Variants in LOC128125822 observed in about 807,000 individuals in gnomAD.
chr6:63,573,731 C>T, the LOC128125822 span: 3 of 152,256 alleles, frequency 2.0e-5, no homozygotes, highest in Non-Finnish European at 2.9e-5. Context: ...CTAGTCTTGT[C>T]CTTTCTCTGG....
chr6:63,582,839 C>G, the LOC128125822 span: 1 of 152,204 alleles, frequency 6.6e-6, no homozygotes, highest in Admixed American at 6.6e-5. Context: ...GGGCATTGCT[C>G]TCCTATTCCC....
the LOC128125822 span, among the ~76,000 whole-genome samples, chr6:63,576,219 T>C: frequency 6.6e-6 from 1 of 151,918 alleles, no homozygotes; most frequent in Non-Finnish European, 1.5e-5. Flanking sequence ...TAATAGATCA[T>C]GGATTTCAGT....
the LOC128125822 span, chr6:63,580,476 C>T: frequency 4.2e-6 from 1 of 238,518 alleles, no homozygotes; most frequent in South Asian, 9.2e-5. Flanking sequence ...AATCTATTCC[C>T]ATGCCAGAAT....
the LOC128125822 span, among the ~76,000 whole-genome samples, chr6:63,577,900 T>A: frequency 6.7e-6 from 1 of 150,056 alleles, no homozygotes; most frequent in Non-Finnish European, 1.5e-5. Context: ...TATATTATAT[T>A]AGTAATATGT....
the LOC128125822 span, chr6:63,582,809 C>T: frequency 6.6e-6 from 1 of 152,178 alleles, no homozygotes; most frequent in Non-Finnish European, 1.5e-5. Flanking sequence ...ATTGTTTCCC[C>T]TAGTGCCCTC....
the LOC128125822 span, among the ~76,000 whole-genome samples, chr6:63,574,373 A>AG: frequency 6.6e-6 from 1 of 151,442 alleles, no homozygotes; most frequent in Non-Finnish European, 1.5e-5. Context: ...GGGAGGGAAA[A>AG]AATCCCCATT....
chr6:63,573,069 A>C, the LOC128125822 span, among the ~76,000 whole-genome samples: 15 of 151,542 alleles, frequency 9.9e-5, no homozygotes, highest in Non-Finnish European at 2.2e-4. Flanking sequence ...GGGTGGCACA[A>C]AAGCCGCTTT....
the LOC128125822 span, chr6:63,582,189 TTTG>T: frequency 6.6e-6 from 1 of 151,856 alleles, no homozygotes; most frequent in African/African-American, 2.4e-5. Context: ...AACCTGAGGT[TTTG>T]TTTTTTTTTT....
At chr6:63,580,033 A>ATT in the LOC128125822 span, 497 of 1,383,500 alleles carry the variant, frequency 3.6e-4, no homozygotes, top group Middle Eastern at 5.8e-4. Flanking sequence ...GCCTTGTTTC[A>ATT]TTTTTTTTTT....
At chr6:63,578,781 T>G in the LOC128125822 span, 27 of 1,176,294 alleles carry the variant, frequency 2.3e-5, no homozygotes, top group Admixed American at 6.8e-5. Context: ...TTAATAAGAT[T>G]TGATTAAACA....
the LOC128125822 span, chr6:63,576,892 G>A: frequency 6.2e-7 from 1 of 1,612,862 alleles, no homozygotes; most frequent in African/African-American, 1.3e-5. Flanking sequence ...TGGCTCGAAT[G>A]AACCGCCCAG....
the LOC128125822 span, among the ~76,000 whole-genome samples, chr6:63,578,015 G>T: frequency 3.5e-4 from 53 of 152,106 alleles, no homozygotes; most frequent in African/African-American, 1.3e-3. Flanking sequence ...TTTAAGGAGT[G>T]AGTATAATTG....
chr6:63,583,053 G>A, the LOC128125822 span: 1 of 152,066 alleles, frequency 6.6e-6, no homozygotes, highest in Non-Finnish European at 1.5e-5. Flanking sequence ...ATATGGCAAA[G>A]AACATAAAAG....
the LOC128125822 span, chr6:63,580,033 A>ATTTTTT: frequency 7.2e-7 from 1 of 1,385,472 alleles, no homozygotes; most frequent in Non-Finnish European, 1.0e-6. Flanking sequence ...GCCTTGTTTC[A>ATTTTTT]TTTTTTTTTT....
the LOC128125822 span, chr6:63,576,595 A>T: frequency 1.9e-5 from 9 of 477,090 alleles, no homozygotes; most frequent in Non-Finnish European, 2.9e-5. Flanking sequence ...CTGGACACAG[A>T]AGTGTTGAAT....
At chr6:63,580,188 A>G in the LOC128125822 span, 5 of 1,570,130 alleles carry the variant, frequency 3.2e-6, no homozygotes, top group African/African-American at 4.1e-5. Flanking sequence ...TGGGGTGCCT[A>G]ATGCTACTGG....
chr6:63,580,746 C>T, the LOC128125822 span: 4 of 149,534 alleles, frequency 2.7e-5, no homozygotes, highest in East Asian at 3.9e-4. Context: ...TTTTTTTTAC[C>T]AAGTCTTACA....
chr6:63,581,547 A>C, the LOC128125822 span: 2 of 152,316 alleles, frequency 1.3e-5, no homozygotes, highest in Non-Finnish European at 2.9e-5. Context: ...TTTTACAAAT[A>C]AATGAAGGAT....
chr6:63,581,900 A>G, the LOC128125822 span: 1 of 152,190 alleles, frequency 6.6e-6, no homozygotes, highest in African/African-American at 2.4e-5. Flanking sequence ...ATGATCCACA[A>G]TAATCCCTTT....
Sources: gnomAD v4.1 joint callset for allele counts (sites outside exome capture counted in the v4.1 genomes callset) on GRCh38, gnomAD v4.1.1 for gene constraint, MANE v1.5 for transcripts.